Variants in SLC10A7 observed in about 807,000 individuals in gnomAD.
The protein encoded by SLC10A7 is sodium/bile acid cotransporter 7.
In SLC10A7, 29 loss-of-function variants were observed where a neutral mutation model predicts 43.2. The ratio of observed to expected loss-of-function variants is 0.67; its 90% CI spans 0.50 to 0.92. SLC10A7 has a LOEUF of 0.92. SLC10A7 is among the 40% of genes least tolerant of loss of function. The probability of loss-of-function intolerance (pLI) is 0.00; values close to 1 mark genes in which losing one functional copy is unlikely to be tolerated. For synonymous variants in SLC10A7, 152 were observed against 144.8 expected, an observed-to-expected ratio of 1.05 and a Z score of -0.35; for missense variants, 295 against 403.2, an observed-to-expected ratio of 0.73 and a Z score of 2.30.
intron 5 of SLC10A7, among the ~76,000 whole-genome samples, chr4:146,403,605 C>T (rs1256334197): frequency 1.3e-5 from 2 of 152,122 alleles, no homozygotes; most frequent in East Asian, 3.9e-4. Flanking sequence ...CTATCACATG[C>T]TTATATGTGC....
intron 5 of SLC10A7, among the ~76,000 whole-genome samples, chr4:146,429,739 G>A (rs1729632400): frequency 6.6e-6 from 1 of 152,046 alleles, no homozygotes; most frequent in African/African-American, 2.4e-5. Flanking sequence ...TAAAAGGAAA[G>A]CTGGAGAAAT....
intron 10 of SLC10A7, among the ~76,000 whole-genome samples, chr4:146,268,762 G>T (rs1728717072): frequency 6.6e-6 from 1 of 152,140 alleles, no homozygotes; most frequent in African/African-American, 2.4e-5. Context: ...GACATAGCTG[G>T]GGTGTGAATA....
chr4:146,404,779 C>T (rs1035199650), intron 5 of SLC10A7, among the ~76,000 whole-genome samples: 7 of 151,952 alleles, frequency 4.6e-5, no homozygotes, highest in African/African-American at 9.7e-5. Flanking sequence ...TTATGTGTTG[C>T]GTCTTTGTTA....
At chr4:146,324,343 CAA>C (rs904213563) in intron 6 of SLC10A7, among the ~76,000 whole-genome samples, 3 of 151,998 alleles carry the variant, frequency 2.0e-5, no homozygotes, top group African/African-American at 7.2e-5. Context: ...CATATGGAAC[CAA>C]AAAAGAGCCT....
intron 5 of SLC10A7, among the ~76,000 whole-genome samples, chr4:146,397,228 T>G (rs186367650): frequency 2.2e-4 from 34 of 152,278 alleles, no homozygotes. Context: ...AAGACCGATG[T>G]AAGAACTAAA....
At chr4:146,495,752 C>T (rs1735828562) in intron 4 of SLC10A7, among the ~76,000 whole-genome samples, 1 of 142,100 alleles carries the variant, frequency 7.0e-6, no homozygotes, top group African/African-American at 2.6e-5. Context: ...GCACCAGCCC[C>T]GTTGATGAAA....
intron 4 of SLC10A7, among the ~76,000 whole-genome samples, chr4:146,467,496 C>G (rs1334013900): frequency 2.9e-5 from 4 of 136,822 alleles, no homozygotes; most frequent in Admixed American, 7.3e-5. Context: ...CACACACACA[C>G]AGGCACACAC....
intron 5 of SLC10A7, among the ~76,000 whole-genome samples, chr4:146,379,004 T>G (rs974227364): frequency 6.6e-6 from 1 of 152,102 alleles, no homozygotes; most frequent in South Asian, 2.1e-4. Context: ...CCTTTCAGGG[T>G]ATTGACCCAA....
At chr4:146,328,546 C>T (rs1242380523) in intron 5 of SLC10A7, among the ~76,000 whole-genome samples, 1 of 152,186 alleles carries the variant, frequency 6.6e-6, no homozygotes. Flanking sequence ...TTGGGACTCA[C>T]TCTGCCCACT....
In SLC10A7 at chr4:146,442,328, A is replaced by G. The variant is rs189105045; in HGVS notation, c.435+455T>C. On this transcript the variant is annotated intron_variant, in intron 5 of 11. Coordinates refer to ENST00000335472, the MANE Select transcript of SLC10A7 (RefSeq NM_001029998.6). Reference sequence around the variant, plus strand: ...AAATTTTTTTTCACATAGATTTCTCAGAAGCATCCAAGCCAGTAGCTTCTT... The same window carrying G: ...AAATTTTTTTTCACATAGATTTCTCGGAAGCATCCAAGCCAGTAGCTTCTT... 4 of 987,166 alleles carry G rather than the reference A, an allele frequency of 4.1e-6. No individual in the cohort carries two copies. The East Asian group carries it at 4.5e-4, about 111-fold the overall frequency. The allele number at this position is 987,166 out of a possible 1,614,324, so 61.2% of individuals were successfully genotyped here.
intron 5 of SLC10A7, among the ~76,000 whole-genome samples, chr4:146,410,986 C>T (rs188747397): frequency 5.7e-4 from 86 of 152,108 alleles, no homozygotes; most frequent in Non-Finnish European, 6.2e-4. Context: ...TGAGCCACCA[C>T]GCCTGGCTAA....
At chr4:146,409,059 C>A (rs1370899784) in intron 5 of SLC10A7, among the ~76,000 whole-genome samples, 1 of 151,996 alleles carries the variant, frequency 6.6e-6, no homozygotes, top group Non-Finnish European at 1.5e-5. Context: ...AAATATATTT[C>A]AGATATTCTG....
At chr4:146,335,003 G>A (rs754200760) in intron 5 of SLC10A7, among the ~76,000 whole-genome samples, 7 of 151,932 alleles carry the variant, frequency 4.6e-5, no homozygotes, top group Non-Finnish European at 8.8e-5. Context: ...AAGATGACAA[G>A]TCGGCCTGCC....
At chr4:146,303,194 A>G (rs1381368827) in intron 7 of SLC10A7, among the ~76,000 whole-genome samples, 1 of 152,078 alleles carries the variant, frequency 6.6e-6, no homozygotes, top group Non-Finnish European at 1.5e-5. Context: ...CATGGGTTCT[A>G]CTGAGACCTT....
rs184722971 is a variant in SLC10A7 at position 146,361,583 on chromosome 4, T to C, written c.436-35587A>G. Among the ~76,000 whole-genome samples, 16 of 152,270 alleles carry C rather than the reference T, an allele frequency of 1.1e-4. No homozygotes were observed. In the East Asian group the frequency reaches 3.1e-3, roughly 29 times the overall value. On this transcript the variant is annotated intron_variant, in intron 5 of 11. Transcript: ENST00000335472. ...CACAGACACAGGTTGCAAAACTCCT[T>C]TGAATTCCTGGAAAGCCCTCTCAAG...
chr4:146,474,130 G>C (rs1435011388), intron 4 of SLC10A7, among the ~76,000 whole-genome samples: 1 of 52,378 alleles, frequency 1.9e-5, no homozygotes, highest in South Asian at 1.2e-3. Context: ...TCAAATAAAA[G>C]AGAAAAAAAA....
In SLC10A7 at chr4:146,289,251, C is replaced by T. The variant is rs189206922; in HGVS notation, c.773+3678G>A. Among the ~76,000 whole-genome samples, 3 of 152,294 alleles carry T rather than the reference C, an allele frequency of 2.0e-5. No homozygotes were observed. In the East Asian group the frequency reaches 5.8e-4, roughly 29 times the overall value. On this transcript the variant is annotated intron_variant, in intron 9 of 11. Transcript: ENST00000335472. Reference sequence around the variant, plus strand: ...TTAATGATCATCGCCATCTTCCTTGCCTGCTTCCCTTTCCCATTCTCCCAT... The same window carrying T: ...TTAATGATCATCGCCATCTTCCTTGTCTGCTTCCCTTTCCCATTCTCCCAT...
At chr4:146,445,392 G>A (rs1320827521) in intron 4 of SLC10A7, among the ~76,000 whole-genome samples, 1 of 152,170 alleles carries the variant, frequency 6.6e-6, no homozygotes, top group Non-Finnish European at 1.5e-5. Context: ...AGGAACACTG[G>A]AACTGGCCGG....
rs115796913 is a variant in SLC10A7, at chr4:146,263,712, C to A, written c.848-4875G>T. 7.2e-3 allele frequency among the ~76,000 whole-genome samples: 1,093 copies of A among 152,226 alleles called. 15 individuals carry two copies. The highest frequency in any genetic ancestry group is 0.025 in the African/African-American group (1,032 of 41,530). ...ACTTTATGGAAGTGAACACTATGCA[C>A]GCATTTACAATTTTACAGGGACTTT... On this transcript the variant is annotated intron_variant, in intron 10 of 11. Transcript: ENST00000335472.
Sources: gnomAD v4.1 joint callset for allele counts (sites outside exome capture counted in the v4.1 genomes callset) on GRCh38, gnomAD v4.1.1 for gene constraint, MANE v1.5 for transcripts, NCBI Gene and HGNC (gene_info 2026-07-23, HGNC 2026-07-21) for gene names.